The following CACNA2D1 variants were observed in gnomAD, a reference collection of about 807,000 sequenced individuals.
CACNA2D1 encodes the protein voltage-dependent calcium channel subunit alpha-2/delta-1.
In CACNA2D1, 53 loss-of-function variants were observed where a neutral mutation model predicts 171.5. That is an observed-to-expected ratio of 0.31 (90% CI 0.25 to 0.39). The LOEUF is 0.39. CACNA2D1 is among the 10% of genes least tolerant of loss of function. The pLI, the probability that CACNA2D1 is intolerant of heterozygous loss-of-function variation, is 1.00. For synonymous variants in CACNA2D1, 442 were observed against 443.1 expected (o/e 1.00, Z 0.03); for missense variants, 903 against 1,299.8 (o/e 0.69, Z 4.69).
chr7:82,115,526 TACAC>T (rs1056762078), intron 6 of CACNA2D1, among the ~76,000 whole-genome samples: 1 of 151,604 alleles, frequency 6.6e-6, no homozygotes, highest in Admixed American at 6.6e-5. Context: ...ACTATATCTA[TACAC>T]ACACACACAT....
chr7:82,010,134 T>C (rs534836512), intron 15 of CACNA2D1, among the ~76,000 whole-genome samples: 28 of 152,228 alleles, frequency 1.8e-4, no homozygotes, highest in Admixed American at 3.3e-4. Flanking sequence ...TTGCCCCCAA[T>C]ATTGGCTTCA....
In CACNA2D1 at chr7:82,005,417, A is replaced by T; in HGVS notation, c.1590+6T>A. On this transcript the variant is annotated splice_donor_region_variant and intron_variant, in intron 18 of 38. Coordinates refer to ENST00000356860, the MANE Select transcript of CACNA2D1 (RefSeq NM_000722.4). ...ACTAATCACTGTAAACAAATTATAT[A>T]CTGACCTTTGGCTGAAGATTTGGAT... is the stretch of plus-strand genomic sequence containing the variant. 6.5e-7 allele frequency: 1 copy of T among 1,529,342 alleles called. No homozygotes were observed. The highest frequency in any genetic ancestry group is 9.0e-7 in the Non-Finnish European group (1 of 1,109,042). The allele number at this position is 1,529,342 out of a possible 1,614,324, so 94.7% of individuals were successfully genotyped here. A position where few individuals can be genotyped will look rare whatever the true frequency, so the allele number is the denominator to read the frequency against.
chr7:82,192,122 C>T (rs552229053), intron 3 of CACNA2D1, among the ~76,000 whole-genome samples: 8 of 151,342 alleles, frequency 5.3e-5, no homozygotes, highest in Non-Finnish European at 1.2e-4. Context: ...ACAGTTCCTG[C>T]CCTCAAGAAC....
intron 3 of CACNA2D1, among the ~76,000 whole-genome samples, chr7:82,319,407 T>G (rs193157706): frequency 1.8e-4 from 28 of 152,280 alleles, no homozygotes; most frequent in African/African-American, 6.3e-4. Context: ...ATTTGAGAGG[T>G]AGAAATTGAT....
chr7:82,047,822 G>C (rs1804727552), intron 10 of CACNA2D1, among the ~76,000 whole-genome samples: 1 of 152,088 alleles, frequency 6.6e-6, no homozygotes, highest in Non-Finnish European at 1.5e-5. Context: ...TAGAAAAAAT[G>C]AAGTGACGTG....
chr7:82,158,233 A>T (rs976535256), intron 4 of CACNA2D1, among the ~76,000 whole-genome samples: 1 of 151,964 alleles, frequency 6.6e-6, no homozygotes, highest in South Asian at 2.1e-4. Flanking sequence ...ATAAAGCAAG[A>T]ATACAATTTA....
At chr7:82,066,303 T>C in intron 8 of CACNA2D1, 152 bp downstream of exon 8, 1 of 1,054,130 alleles carries the variant, frequency 9.5e-7, no homozygotes, top group Non-Finnish European at 1.4e-6. Context: ...ATCATTTTCA[T>C]TTACCTTTAC....
At chr7:82,274,219 A>G (rs73705899) in intron 3 of CACNA2D1, among the ~76,000 whole-genome samples, 1 of 134,090 alleles carries the variant, frequency 7.5e-6, no homozygotes, top group East Asian at 1.9e-4. Context: ...CTTCCTCTCC[A>G]GTCACTGAGA....
chr7:82,163,548 C>T (rs1173426714), intron 4 of CACNA2D1, among the ~76,000 whole-genome samples: 1 of 151,914 alleles, frequency 6.6e-6, no homozygotes, highest in Non-Finnish European at 1.5e-5. Flanking sequence ...GCACTTCTGC[C>T]TTTAGAGAGA....
At chr7:81,976,657 A>G (rs1368245322) in intron 24 of CACNA2D1, among the ~76,000 whole-genome samples, 1 of 152,132 alleles carries the variant, frequency 6.6e-6, no homozygotes, top group Non-Finnish European at 1.5e-5. Flanking sequence ...GTTTCAGGCC[A>G]GCCTGGCCAA....
chr7:82,005,440 G>A lies in CACNA2D1; in HGVS notation c.1573C>T (p.Pro525Ser). 6.3e-7 allele frequency: 1 copy of A among 1,591,634 alleles called. No individual in the cohort carries two copies. The highest frequency in any genetic ancestry group is 8.6e-7 in the Non-Finnish European group (1 of 1,164,474). ...IDPNGYVLLH[P>S]NLQPKNPKSQ... is the part of the protein sequence containing the mutation. ...ATACTGACCTTTGGCTGAAGATTTG[G>A]ATGTAATAAAACATAACCATTAGGA... Residue 525 changes from proline to serine, a missense_variant, in exon 18 of 39, where the codon CCA becomes TCA. Physicochemically the swap from Pro to Ser is moderately conservative, Grantham distance 74 (BLOSUM62 -1). Transcript: ENST00000356860.
chr7:82,314,804 T>G (rs1814904333), intron 3 of CACNA2D1, among the ~76,000 whole-genome samples: 1 of 152,034 alleles, frequency 6.6e-6, no homozygotes, highest in Admixed American at 6.6e-5. Context: ...TGAGATAAAC[T>G]TATCCGTCAT....
chr7:82,108,169 C>A (rs1787967642), intron 6 of CACNA2D1, among the ~76,000 whole-genome samples: 1 of 152,134 alleles, frequency 6.6e-6, no homozygotes, highest in African/African-American at 2.4e-5. Flanking sequence ...TGTGAATTAA[C>A]TGAAACATAC....
rs530389176 is a variant in CACNA2D1 at position 82,396,003 on chromosome 7, C to T, written c.96-46354G>A. On this transcript the variant is annotated intron_variant, in intron 1 of 38. Coordinates refer to ENST00000356860, the MANE Select transcript of CACNA2D1 (RefSeq NM_000722.4). ...ATCCTTTATAATTTTCTCTTTTCAG[C>T]ATTACAGAATTGTTTGGACTTTCTA... Among the ~76,000 whole-genome samples the T allele has an allele frequency of 2.0e-4, 31 of 152,266 alleles. 2 individuals carry two copies. In the South Asian group the frequency reaches 5.4e-3, roughly 26 times the overall value.
intron 3 of CACNA2D1, among the ~76,000 whole-genome samples, chr7:82,183,968 G>A (rs1797404214): frequency 6.6e-6 from 1 of 151,882 alleles, no homozygotes; most frequent in Admixed American, 6.6e-5. Context: ...TTTGACTGGT[G>A]GTAAACTATT....
chr7:82,360,192 CTT>C (rs1820935515), intron 1 of CACNA2D1, among the ~76,000 whole-genome samples: 1 of 152,176 alleles, frequency 6.6e-6, no homozygotes, highest in African/African-American at 2.4e-5. Context: ...GGAGATACCT[CTT>C]GTTTTCTAGT....
intron 7 of CACNA2D1, among the ~76,000 whole-genome samples, chr7:82,080,937 T>G (rs1181138499): frequency 6.6e-6 from 1 of 152,244 alleles, no homozygotes; most frequent in Non-Finnish European, 1.5e-5. Context: ...TTTCCTATTT[T>G]CAAAGTACTT....
At chr7:81,950,870 A>G (rs1449558510) in intron 38 of CACNA2D1, among the ~76,000 whole-genome samples, 5 of 152,136 alleles carry the variant, frequency 3.3e-5, no homozygotes, top group African/African-American at 1.2e-4. Context: ...AGTAGGTTTT[A>G]TAATTCCCAA....
In CACNA2D1 at chr7:81,959,815, T is replaced by A. The variant is rs1793886394; in HGVS notation, c.2981A>T (p.Glu994Val). 1 of 1,612,268 alleles carries A rather than the reference T, an allele frequency of 6.2e-7. No homozygotes were observed. The highest frequency in any genetic ancestry group is 8.5e-7 in the Non-Finnish European group (1 of 1,178,912). The change falls in exon 37 of 39, where the codon GAA (glutamate) becomes GTA (valine). Residue 994 changes from glutamate to valine, a missense_variant. Coordinates refer to ENST00000356860, the MANE Select transcript of CACNA2D1 (RefSeq NM_000722.4). ...TATTAAGTTGGTGTTCATAAGCTTT[T>A]CTCCATGAAAGATTCTGCAAAATAA... ...CGNCSRIFHG[E>V]KLMNTNLIFI...
Sources: gnomAD v4.1 joint callset for allele counts (sites outside exome capture counted in the v4.1 genomes callset) on GRCh38, gnomAD v4.1.1 for gene constraint, MANE v1.5 for transcripts, NCBI Gene and HGNC (gene_info 2026-07-23, HGNC 2026-07-21) for gene names.